The following RHOH variants were observed in gnomAD, a reference collection of about 807,000 sequenced individuals.
RHOH encodes ras homolog family member H, also known as rho-related GTP-binding protein RhoH.
A neutral mutation model predicts 13.8 loss-of-function variants in RHOH; 6 were observed. The observed-to-expected ratio is 0.44, with a 90% CI of 0.24 to 0.86. RHOH has a LOEUF of 0.86. Ranked by LOEUF, RHOH falls within the 40% of genes least tolerant of loss-of-function variation. RHOH has a pLI of 0.24. For synonymous variants in RHOH, 117 were observed against 103.0 expected, an observed-to-expected ratio of 1.14 and a Z score of -0.82; for missense variants, 147 against 244.5, an observed-to-expected ratio of 0.60 and a Z score of 2.66.
At position 40,243,068 on chromosome 4, in the gene RHOH, A is replaced by G. The variant is rs1388398287; in HGVS notation, c.-209-110A>G. ...TGCACAAGCGGGGTTGGATGGCTACACTGAGATTACCCCACATTTAATCAG... is the reference window on the plus strand; with the variant it reads ...TGCACAAGCGGGGTTGGATGGCTACGCTGAGATTACCCCACATTTAATCAG... On this transcript the variant is annotated intron_variant, in intron 2 of 2. Transcript: ENST00000381799. The surrounding 1 kb of genome is among the most constrained non-coding windows in gnomAD (Gnocchi z 6.2). 3.5e-6 allele frequency: 1 copy of G among 282,314 alleles called. No individual in the cohort carries two copies. Among genetic ancestry groups the G allele is most frequent in the African/African-American group, 2.2e-5 (1 of 45,712 alleles). 17.5% of individuals were successfully genotyped at this position (282,314 alleles called of 1,614,324 possible).
intron 1 of RHOH, among the ~76,000 whole-genome samples, chr4:40,232,927 C>G (rs1728116589): frequency 6.6e-6 from 1 of 152,192 alleles, no homozygotes; most frequent in Non-Finnish European, 1.5e-5. Flanking sequence ...AATCACCACT[C>G]CTTTCTCCCA....
At chr4:40,220,011 G>A (rs575805156) in intron 1 of RHOH, among the ~76,000 whole-genome samples, 3 of 152,304 alleles carry the variant, frequency 2.0e-5, no homozygotes, top group East Asian at 1.9e-4. Context: ...GGACAGGGCC[G>A]AGGAGAAAAG....
intron 1 of RHOH, among the ~76,000 whole-genome samples, chr4:40,197,595 C>T (rs553047150): frequency 6.6e-6 from 1 of 152,268 alleles, no homozygotes; most frequent in Non-Finnish European, 1.5e-5. Flanking sequence ...CTGAGCTCAA[C>T]TGTATGGGTA....
At chr4:40,214,343 G>A (rs930747243) in intron 1 of RHOH, among the ~76,000 whole-genome samples, 5 of 152,212 alleles carry the variant, frequency 3.3e-5, no homozygotes, top group Non-Finnish European at 5.9e-5. Flanking sequence ...TCACTTTGGG[G>A]TTATGAGATT....
At chr4:40,217,779 G>A (rs1726061215) in intron 1 of RHOH, among the ~76,000 whole-genome samples, 1 of 152,218 alleles carries the variant, frequency 6.6e-6, no homozygotes. Context: ...TCCACAAGGA[G>A]TGTGTTTTCT....
chr4:40,198,672 C>T (rs1723553779), intron 1 of RHOH, among the ~76,000 whole-genome samples: 1 of 152,150 alleles, frequency 6.6e-6, no homozygotes, highest in African/African-American at 2.4e-5. Flanking sequence ...GCTCGGGGTA[C>T]CAGTAAGACC....
chr4:40,199,965 C>T (rs57903008), intron 1 of RHOH, among the ~76,000 whole-genome samples: 3,299 of 152,254 alleles, frequency 0.022, 115 homozygotes, highest in African/African-American at 0.076. Context: ...GTGCAGATGA[C>T]GTGAGTCACA....
At position 40,243,184 on chromosome 4, in the gene RHOH, A is replaced by G. The variant is rs554245079; in HGVS notation, c.-203A>G. On this transcript the variant is annotated 5_prime_UTR_variant, in exon 3 of 3. Transcript: ENST00000381799. This position sits in a 1 kb window ranked among gnomAD's most constrained non-coding sequence, Gnocchi z 6.2. ...CCTTCTCTTTCTGTTCCAGTTGAAG[A>G]CTAGGCTTTGGAGGTTTTCAAAGCA... is the stretch of plus-strand genomic sequence containing the variant. 4.3e-6 allele frequency: 2 copies of G among 470,082 alleles called. No individual in the cohort carries two copies. The highest frequency in any genetic ancestry group is 6.6e-5 in the East Asian group (2 of 30,392). 29.1% of individuals were successfully genotyped at this position (470,082 alleles called of 1,614,324 possible).
chr4:40,238,932 T>C (rs1579337954), intron 1 of RHOH, among the ~76,000 whole-genome samples: 1 of 152,196 alleles, frequency 6.6e-6, no homozygotes, highest in Non-Finnish European at 1.5e-5. Flanking sequence ...ATGCTGATGA[T>C]GTAACCCGCG....
intron 1 of RHOH, among the ~76,000 whole-genome samples, chr4:40,239,748 GGT>G (rs540684998): frequency 9.9e-5 from 15 of 152,006 alleles, no homozygotes; most frequent in Non-Finnish European, 2.2e-4. Flanking sequence ...GCGTGGTGGT[GGT>G]GCCTGTAATC....
intron 1 of RHOH, among the ~76,000 whole-genome samples, chr4:40,211,054 A>G (rs1198220797): frequency 6.6e-6 from 1 of 152,224 alleles, no homozygotes; most frequent in Non-Finnish European, 1.5e-5. Flanking sequence ...AATGTCATAC[A>G]TTAAATTAAT....
intron 1 of RHOH, among the ~76,000 whole-genome samples, chr4:40,220,372 AT>A (rs1726406658): frequency 6.6e-6 from 1 of 151,942 alleles, no homozygotes; most frequent in Non-Finnish European, 1.5e-5. Flanking sequence ...GGCTGTTTAA[AT>A]TTTAATTTTT....
chr4:40,211,941 C>T lies in RHOH; in HGVS notation c.-331+14641C>T, dbSNP rs117545418. 1.5e-4 allele frequency among the ~76,000 whole-genome samples: 23 copies of T among 152,250 alleles called. No individual in the cohort carries two copies. In the East Asian group the frequency reaches 2.9e-3, roughly 19 times the overall value. ...GAAAAGCTGTCTGAGAAAGCTGCCC[C>T]GAGCTGTCTAACAGTATTCCTCCAG... is the stretch of plus-strand genomic sequence containing the variant. On this transcript the variant is annotated intron_variant, in intron 1 of 2. Coordinates refer to ENST00000381799, the MANE Select transcript of RHOH (RefSeq NM_004310.5).
chr4:40,206,487 A>T (rs1291954070), intron 1 of RHOH, among the ~76,000 whole-genome samples: 1 of 152,234 alleles, frequency 6.6e-6, no homozygotes, highest in Non-Finnish European at 1.5e-5. Flanking sequence ...ATGTAAAATC[A>T]ATTACAAAAA....
In RHOH at chr4:40,243,762, C is replaced by A. The variant is rs1215243025; in HGVS notation, c.376C>A (p.His126Asn). 1 of 1,614,080 alleles carries A rather than the reference C, an allele frequency of 6.2e-7. No homozygotes were observed. Among genetic ancestry groups the A allele is most frequent in the Admixed American group, 1.7e-5 (1 of 60,020 alleles). ...TQTDQREMGP[H>N]RASCVNAMEG... ...GACTGACCAGCGGGAGATGGGGCCC[C>A]ACAGGGCCTCCTGCGTCAATGCCAT... Residue 126 changes from histidine (H) to asparagine (N), a missense_variant, in exon 3 of 3, where the codon CAC (histidine) becomes AAC (asparagine). This residue lies in a region of RHOH where 36 missense variants were observed against 30.7 expected (regional missense o/e 1.17). Transcript: ENST00000381799. This position sits in a 1 kb window ranked among gnomAD's most constrained non-coding sequence, Gnocchi z 6.2.
chr4:40,222,987 T>G (rs1726769273), intron 1 of RHOH, among the ~76,000 whole-genome samples: 1 of 152,174 alleles, frequency 6.6e-6, no homozygotes, highest in South Asian at 2.1e-4. Context: ...AGGAAGTAAC[T>G]GCAGATGTGG....
chr4:40,206,864 T>C (rs564774077), intron 1 of RHOH, among the ~76,000 whole-genome samples: 1 of 152,314 alleles, frequency 6.6e-6, no homozygotes, highest in South Asian at 2.1e-4. Flanking sequence ...TCATATGCCT[T>C]TTAGGTTAAA....
At chr4:40,193,847 G>A (rs892816372), upstream of RHOH, 4 of 152,222 alleles carry the variant, frequency 2.6e-5, no homozygotes, top group African/African-American at 9.7e-5. Flanking sequence ...TTTCCAGGAT[G>A]GGGTGGGACA....
At chr4:40,237,171 GGC>G (rs1728682202) in intron 1 of RHOH, among the ~76,000 whole-genome samples, 1 of 152,144 alleles carries the variant, frequency 6.6e-6, no homozygotes, top group Non-Finnish European at 1.5e-5. Context: ...ACAAAGCACT[GGC>G]CGGGTAAGGT....
Sources: gnomAD v4.1 joint callset for allele counts (sites outside exome capture counted in the v4.1 genomes callset) on GRCh38, gnomAD v4.1.1 for gene constraint, gnomAD v4.1.1 regional missense constraint, Gnocchi (gnomAD v3.1) non-coding constraint, MANE v1.5 for transcripts, NCBI Gene and HGNC (gene_info 2026-07-23, HGNC 2026-07-21) for gene names.